Variants in TRPM3 observed in about 807,000 individuals in gnomAD.
The protein encoded by TRPM3 is transient receptor potential cation channel subfamily M member 3.
TRPM3 carries 77 observed loss-of-function variants against 181.2 expected under a neutral mutation model. The ratio of observed to expected loss-of-function variants is 0.42; its 90% CI spans 0.35 to 0.51. The LOEUF (loss-of-function observed/expected upper bound fraction) is 0.51. TRPM3 is among the 20% of genes least tolerant of loss of function. The probability of loss-of-function intolerance (pLI) is 0.01; values close to 1 mark genes in which losing one functional copy is unlikely to be tolerated. For synonymous variants in TRPM3, 745 were observed against 796.4 expected, an observed-to-expected ratio of 0.94 and a Z score of 1.09; for missense variants, 1,759 against 2,196.7, an observed-to-expected ratio of 0.80 and a Z score of 3.98.
At chr9:70,971,735 G>C (rs10511994) in intron 1 of TRPM3, among the ~76,000 whole-genome samples, 1 of 151,948 alleles carries the variant, frequency 6.6e-6, no homozygotes, top group African/African-American at 2.4e-5. Flanking sequence ...ACTGAGAAGA[G>C]GTAAGGAACC....
chr9:70,827,959 G>A lies in TRPM3; in HGVS notation c.861C>T (p.Ser287=), dbSNP rs752814571. 3 of 1,614,026 alleles carry A rather than the reference G, an allele frequency of 1.9e-6. No homozygotes were observed. In the African/African-American group the frequency reaches 4.0e-5, roughly 22 times the overall value. The change falls in exon 6 of 26, where the codon AGC becomes AGT. Residue 287 remains serine, a synonymous_variant. Transcript: ENST00000677713. ...NPMSKLTVLN[S]MHSHFILADN... The stretch of plus-strand genomic sequence containing the variant: ...CAGCCAGAATGAAGTGGGAATGCAT[G>A]CTGTTGAGAACAGTGAGCTTGCTCA...
rs1428841555 is a variant in TRPM3, at chr9:70,529,735, A to G, written c.*6218T>C. The G allele has an allele frequency of 6.6e-6, 1 of 152,168 alleles. No homozygotes were observed. The highest frequency in any genetic ancestry group is 6.6e-5 in the Admixed American group (1 of 15,266). 9.4% of individuals were successfully genotyped at this position (152,168 alleles called of 1,614,324 possible). On this transcript the variant is annotated 3_prime_UTR_variant, in exon 26 of 26. Coordinates refer to ENST00000677713, the MANE Select transcript of TRPM3 (RefSeq NM_001366145.2). ...ATTTTGTGTGTACACTCACCAAGTCACTATCAAGAATCTGATCCTGTTGGC... is the reference window on the plus strand; with the variant it reads ...ATTTTGTGTGTACACTCACCAAGTCGCTATCAAGAATCTGATCCTGTTGGC...
At chr9:71,310,910 T>G (rs2087865773) in intron 1 of TRPM3, among the ~76,000 whole-genome samples, 1 of 151,998 alleles carries the variant, frequency 6.6e-6, no homozygotes. Flanking sequence ...GACAGTTAAC[T>G]AAGAGATGAA....
At position 71,107,113 on chromosome 9, in the gene TRPM3, T is replaced by C. The variant is rs540277563; in HGVS notation, c.177+14065A>G. Among the ~76,000 whole-genome samples, 34 of 152,246 alleles carry C rather than the reference T, an allele frequency of 2.2e-4. No homozygotes were observed. In the South Asian group the frequency reaches 2.3e-3, roughly 10 times the overall value. Reference sequence around the variant, plus strand: ...GGCAGACTGTTAAACAAGAATGAGCTGTACATCAAAGCAGTATACATTATA... The same window carrying C: ...GGCAGACTGTTAAACAAGAATGAGCCGTACATCAAAGCAGTATACATTATA... On this transcript the variant is annotated intron_variant, in intron 1 of 25. Coordinates refer to ENST00000677713, the MANE Select transcript of TRPM3 (RefSeq NM_001366145.2).
At chr9:71,077,799 T>C (rs188464386) in intron 1 of TRPM3, among the ~76,000 whole-genome samples, 1 of 152,306 alleles carries the variant, frequency 6.6e-6, no homozygotes, top group Admixed American at 6.5e-5. Context: ...CATATGTGCT[T>C]GATAAACTGA....
At chr9:70,798,487 T>G (rs1194043021) in intron 6 of TRPM3, among the ~76,000 whole-genome samples, 1 of 152,142 alleles carries the variant, frequency 6.6e-6, no homozygotes, top group Non-Finnish European at 1.5e-5. Flanking sequence ...TATGATCCCA[T>G]TTTTTTAAAA....
chr9:71,446,945 T>A, upstream of TRPM3: 1 of 1,138,712 alleles, frequency 8.8e-7, no homozygotes, highest in Non-Finnish European at 1.2e-6. Context: ...TGGCGCTGCC[T>A]TTGCCTCCGC....
chr9:71,330,230 G>A (rs1329401006), intron 1 of TRPM3, among the ~76,000 whole-genome samples: 2 of 151,800 alleles, frequency 1.3e-5, no homozygotes, highest in African/African-American at 2.4e-5. Context: ...CTGAATCTGT[G>A]AAAAACTAGA....
intron 1 of TRPM3, among the ~76,000 whole-genome samples, chr9:71,047,848 ACACACACACACT>A (rs1404317198): frequency 8.0e-6 from 1 of 124,546 alleles, no homozygotes; most frequent in African/African-American, 2.7e-5. Flanking sequence ...ACACACACAC[ACACACACACACT>A]CACACAACAA....
intron 1 of TRPM3, among the ~76,000 whole-genome samples, chr9:71,065,922 A>G (rs1241230937): frequency 6.6e-6 from 1 of 152,182 alleles, no homozygotes; most frequent in Non-Finnish European, 1.5e-5. Context: ...GCAGTGGGAT[A>G]CTAAGAGAAG....
At chr9:70,970,562 T>A (rs565064843) in intron 1 of TRPM3, among the ~76,000 whole-genome samples, 3 of 152,320 alleles carry the variant, frequency 2.0e-5, no homozygotes, top group South Asian at 2.1e-4. Flanking sequence ...TACTCTCCTC[T>A]CTGTGGTGGT....
intron 1 of TRPM3, among the ~76,000 whole-genome samples, chr9:71,179,821 T>C (rs1460490173): frequency 4.6e-5 from 7 of 152,054 alleles, no homozygotes; most frequent in East Asian, 1.9e-4. Flanking sequence ...AATTTCAAAA[T>C]CATAGTGAGA....
intron 5 of TRPM3, among the ~76,000 whole-genome samples, chr9:70,835,307 A>G (rs2094236615): frequency 9.7e-6 from 1 of 102,904 alleles, no homozygotes; most frequent in Non-Finnish European, 2.2e-5. Context: ...ATTACTTTTG[A>G]GGTACTTTTT....
At chr9:70,866,999 C>T (rs1260734374) in intron 1 of TRPM3, among the ~76,000 whole-genome samples, 2 of 151,986 alleles carry the variant, frequency 1.3e-5, no homozygotes, top group African/African-American at 4.8e-5. Flanking sequence ...ATATGAAATA[C>T]CCTTGTTATG....
chr9:70,546,277 A>G (rs2044858489), intron 25 of TRPM3, among the ~76,000 whole-genome samples: 2 of 152,220 alleles, frequency 1.3e-5, no homozygotes, highest in Non-Finnish European at 2.9e-5. Flanking sequence ...TAACATCAGT[A>G]TCATCTGGAA....
At chr9:70,653,799 C>T (rs768236304) in intron 9 of TRPM3, among the ~76,000 whole-genome samples, 12 of 151,906 alleles carry the variant, frequency 7.9e-5, no homozygotes, top group South Asian at 2.1e-4. Flanking sequence ...AGGCTTCTAA[C>T]GACTTGAACT....
chr9:70,813,582 A>G (rs1010494457), intron 6 of TRPM3, among the ~76,000 whole-genome samples: 2 of 152,192 alleles, frequency 1.3e-5, no homozygotes, highest in Non-Finnish European at 2.9e-5. Flanking sequence ...GATGGGATCA[A>G]TAGAAGCCCA....
At chr9:71,394,675 A>G (rs908991645) in intron 1 of TRPM3, among the ~76,000 whole-genome samples, 1 of 152,176 alleles carries the variant, frequency 6.6e-6, no homozygotes, top group African/African-American at 2.4e-5. Flanking sequence ...TGATCTGCCT[A>G]TGTCACACAA....
chr9:70,601,665 C>T (rs573085570), intron 20 of TRPM3, among the ~76,000 whole-genome samples: 1 of 152,328 alleles, frequency 6.6e-6, no homozygotes, highest in South Asian at 2.1e-4. Context: ...TGACTCCAGC[C>T]TCCAAAGCCC....
Sources: gnomAD v4.1 joint callset for allele counts (sites outside exome capture counted in the v4.1 genomes callset) on GRCh38, gnomAD v4.1.1 for gene constraint, MANE v1.5 for transcripts, NCBI Gene and HGNC (gene_info 2026-07-23, HGNC 2026-07-21) for gene names.